Variants in DUX4 observed in about 807,000 individuals in gnomAD.
DUX4 encodes the protein double homeobox 4.
intron 1 of DUX4, 22 bp downstream of exon 1, chr4:190,175,306 C>T (rs1433623774): frequency 3.7e-3 from 365 of 99,394 alleles, no homozygotes; most frequent in African/African-American, 0.01. Flanking sequence ...ACTGCGCACG[C>T]GCGGGTTTGC....
At chr4:190,178,885 A>AGAT (rs1415331305), downstream of DUX4, among the ~76,000 whole-genome samples, 2 of 99,554 alleles carry the variant, frequency 2.0e-5, no homozygotes, top group South Asian at 3.4e-4. Context: ...ATCAGTGCAG[A>AGAT]TCTATGTCAC....
chr4:190,177,234 A>C (rs1742353741), downstream of DUX4, among the ~76,000 whole-genome samples: 1 of 145,948 alleles, frequency 6.9e-6, no homozygotes, highest in African/African-American at 2.5e-5. Context: ...CACCTGGGTG[A>C]TCATTGCAGA....
At chr4:190,177,091 T>C (rs1742341125), downstream of DUX4, among the ~76,000 whole-genome samples, 378 of 147,852 alleles carry the variant, frequency 2.6e-3, no homozygotes, top group Middle Eastern at 0.019. Context: ...TCCCATCACC[T>C]GGGTGATCAG....
chr4:190,181,981 C>CA (rs1742599540), intron 1 of DUX4: 1 of 108,850 alleles, frequency 9.2e-6, no homozygotes, highest in East Asian at 3.1e-4. Context: ...CTGCCGTAGA[C>CA]AGAGTGTAGA....
At chr4:190,179,793 G>GA (rs1742512615), downstream of DUX4, among the ~76,000 whole-genome samples, 82 of 147,284 alleles carry the variant, frequency 5.6e-4, 1 homozygote, top group Non-Finnish European at 7.3e-4. Context: ...GCCCCTGTAG[G>GA]CAAGCCTACA....
downstream of DUX4, among the ~76,000 whole-genome samples, chr4:190,176,355 A>G (rs1457935441): frequency 3.8e-4 from 44 of 114,422 alleles, 14 homozygotes; most frequent in South Asian, 3.9e-3. Flanking sequence ...ATCAGTGCAG[A>G]GATGTGTCAA....
At chr4:190,179,507 ACAAGCCCCCTGTAGGCAGAGCC>A, downstream of DUX4, among the ~76,000 whole-genome samples, 1 of 125,354 alleles carries the variant, frequency 8.0e-6, no homozygotes. Flanking sequence ...GAGATATGTC[ACAAGCCCCCTGTAGGCAGAGCC>A]TAGACAAGAG....
chr4:190,179,587 A>G (rs1742505033), downstream of DUX4, among the ~76,000 whole-genome samples: 6 of 151,898 alleles, frequency 4.0e-5, no homozygotes, highest in South Asian at 2.1e-4. Context: ...AATGCTGTGT[A>G]GCCAGAGCCT....
downstream of DUX4, among the ~76,000 whole-genome samples, chr4:190,180,057 C>CGTGTAG: frequency 6.6e-4 from 1 of 1,514 alleles, no homozygotes; most frequent in African/African-American, 1.4e-3. Flanking sequence ...GTCACATTGC[C>CGTGTAG]CCCATAGGCG....
At chr4:190,182,320 G>A (rs1262283860) in intron 1 of DUX4, 2 of 108,286 alleles carry the variant, frequency 1.8e-5, no homozygotes, top group African/African-American at 5.3e-5. Context: ...TTAGGCTTAG[G>A]GTAAGGCTTA....
At chr4:190,182,948 G>GCTTAGT (rs1742618631) in intron 1 of DUX4, among the ~76,000 whole-genome samples, 1 of 35,888 alleles carries the variant, frequency 2.8e-5, no homozygotes, top group African/African-American at 5.6e-5. Context: ...TTAGGCTTAG[G>GCTTAGT]CTTAGGGTAA....
At chr4:190,177,471 T>TAA (rs1742369380), downstream of DUX4, among the ~76,000 whole-genome samples, 2 of 104,386 alleles carry the variant, frequency 1.9e-5, no homozygotes, top group Non-Finnish European at 2.1e-5. Flanking sequence ...AAGCCCCCTG[T>TAA]AGACAAATCC....
downstream of DUX4, among the ~76,000 whole-genome samples, chr4:190,179,461 C>CCCAG (rs1742494978): frequency 2.8e-5 from 4 of 141,182 alleles, no homozygotes; most frequent in African/African-American, 5.3e-5. Flanking sequence ...TAAGCAGATC[C>CCCAG]TAGAGAAGAG....
chr4:190,179,719 C>A (rs1742508513), downstream of DUX4, among the ~76,000 whole-genome samples: 3 of 152,254 alleles, frequency 2.0e-5, no homozygotes, highest in Non-Finnish European at 4.4e-5. Flanking sequence ...CTCAATCCCC[C>A]TGTGGGCACA....
At chr4:190,179,446 C>T (rs1742493102), downstream of DUX4, among the ~76,000 whole-genome samples, 44 of 150,766 alleles carry the variant, frequency 2.9e-4, no homozygotes, top group African/African-American at 4.8e-4. Context: ...TCACAAAGCA[C>T]CCTGTAAGCA....
At chr4:190,177,187 A>AGCGCCCCCGTAGGCAGAGGCTAG (rs1579832519), downstream of DUX4, among the ~76,000 whole-genome samples, 1 of 151,844 alleles carries the variant, frequency 6.6e-6, no homozygotes. Flanking sequence ...GCTATGTCAA[A>AGCGCCCCCGTAGGCAGAGGCTAG]ACGCCCCTGT....
At chr4:190,182,332 G>A (rs1742611238) in intron 1 of DUX4, among the ~76,000 whole-genome samples, 1 of 100,450 alleles carries the variant, frequency 1.0e-5, no homozygotes, top group African/African-American at 2.7e-5. Flanking sequence ...TAAGGCTTAG[G>A]GTTCAGGTTC....
chr4:190,181,457 A>G (rs2126583787), intron 1 of DUX4, among the ~76,000 whole-genome samples: 1,721 of 129,352 alleles, frequency 0.013, no homozygotes, highest in Middle Eastern at 0.016. Flanking sequence ...CAAGAGTTAC[A>G]TCACCTAGAT....
downstream of DUX4, among the ~76,000 whole-genome samples, chr4:190,180,088 C>T (rs2126581011): frequency 6.9e-5 from 1 of 14,476 alleles, no homozygotes; most frequent in Non-Finnish European, 1.8e-4. Context: ...AAGAGTCAGT[C>T]ACCTGGGTGA....
Sources: gnomAD v4.1 joint callset for allele counts (sites outside exome capture counted in the v4.1 genomes callset) on GRCh38, gnomAD v4.1.1 for gene constraint, MANE v1.5 for transcripts, NCBI Gene and HGNC (gene_info 2026-07-23, HGNC 2026-07-21) for gene names.